Variants in WWOX observed in about 807,000 individuals in gnomAD.
WWOX encodes the protein WW domain-containing oxidoreductase.
A neutral mutation model predicts 46.2 loss-of-function variants in WWOX; 69 were observed. That is an observed-to-expected ratio of 1.49 (90% CI 1.23 to 1.82). WWOX has a LOEUF of 1.82. Among genes scored for constraint, WWOX ranks in the 40% most tolerant of loss-of-function variants. The pLI, the probability that WWOX is intolerant of heterozygous loss-of-function variation, is 0.00. For synonymous variants in WWOX, 359 were observed against 202.6 expected, an observed-to-expected ratio of 1.77 and a Z score of -6.56; for missense variants, 919 against 542.6, an observed-to-expected ratio of 1.69 and a Z score of -6.89.
intron 4 of WWOX, among the ~76,000 whole-genome samples, chr16:78,132,877 CA>C (rs2033652123): frequency 6.6e-6 from 1 of 152,152 alleles, no homozygotes; most frequent in Non-Finnish European, 1.5e-5. Flanking sequence ...TGCTCCATTC[CA>C]TTTCCCAGCT....
At position 78,746,331 on chromosome 16, in the gene WWOX, G is replaced by A. The variant is rs114521251; in HGVS notation, c.1056+313579G>A. On this transcript the variant is annotated intron_variant, in intron 8 of 8. Transcript: ENST00000566780. ...TTGGCAATATAGCAAGACATTGCCT[G>A]TACAAAAAATTTAAAAATTAGCTGG... Among the ~76,000 whole-genome samples the A allele has an allele frequency of 7.7e-3, 1,168 of 152,190 alleles. 20 individuals carry two copies. The highest frequency in any genetic ancestry group is 0.027 in the African/African-American group (1,134 of 41,534).
At chr16:78,562,425 A>C (rs1353650368) in intron 8 of WWOX, among the ~76,000 whole-genome samples, 1 of 152,168 alleles carries the variant, frequency 6.6e-6, no homozygotes, top group Non-Finnish European at 1.5e-5. Context: ...ATCTGTTCCC[A>C]CATCCCCTGA....
chr16:78,359,376 G>GT (rs1030470349), intron 5 of WWOX, among the ~76,000 whole-genome samples: 5 of 152,136 alleles, frequency 3.3e-5, no homozygotes, highest in South Asian at 4.1e-4. Context: ...TACAAATTAA[G>GT]TTTTTTTCTG....
At chr16:78,871,246 GA>G (rs1567616515) in intron 8 of WWOX, among the ~76,000 whole-genome samples, 4 of 151,890 alleles carry the variant, frequency 2.6e-5, no homozygotes, top group African/African-American at 9.7e-5. Context: ...AAAGAGGGGG[GA>G]TTTTTCCCCC....
intron 5 of WWOX, among the ~76,000 whole-genome samples, chr16:78,217,068 C>G (rs145193018): frequency 9.7e-4 from 147 of 152,262 alleles, no homozygotes; most frequent in African/African-American, 3.4e-3. Flanking sequence ...TTAATTTCAC[C>G]GGTAACCTGA....
chr16:78,321,349 C>T (rs11150056), intron 5 of WWOX, among the ~76,000 whole-genome samples: 23 of 39,782 alleles, frequency 5.8e-4, no homozygotes, highest in Admixed American at 8.6e-4. Flanking sequence ...TATATATATA[C>T]GTATATATGC....
chr16:79,085,275 T>A (rs2048833848), intron 8 of WWOX, among the ~76,000 whole-genome samples: 1 of 152,182 alleles, frequency 6.6e-6, no homozygotes, highest in Non-Finnish European at 1.5e-5. Flanking sequence ...TGGAGGTCTC[T>A]TAGATTTTCC....
intron 8 of WWOX, among the ~76,000 whole-genome samples, chr16:78,943,801 C>G (rs560854908): frequency 2.0e-5 from 3 of 152,102 alleles, no homozygotes; most frequent in African/African-American, 7.2e-5. Context: ...TCTTTCCCAC[C>G]GCACATCACT....
intron 5 of WWOX, among the ~76,000 whole-genome samples, chr16:78,235,335 C>G (rs1240421394): frequency 2.0e-5 from 3 of 152,110 alleles, no homozygotes; most frequent in Admixed American, 2.0e-4. Flanking sequence ...TTGGTCCTTG[C>G]TGTTGTCTGG....
chr16:78,909,723 A>T (rs764089969), intron 8 of WWOX, among the ~76,000 whole-genome samples: 8 of 152,214 alleles, frequency 5.3e-5, no homozygotes, highest in African/African-American at 1.9e-4. Context: ...AAGCAAAACC[A>T]TATGCATCGT....
chr16:79,119,615 A>C (rs918885413), intron 8 of WWOX, among the ~76,000 whole-genome samples: 1 of 152,348 alleles, frequency 6.6e-6, no homozygotes, highest in South Asian at 2.1e-4. Context: ...GGATTCAATA[A>C]TGTGCCAGCG....
intron 8 of WWOX, among the ~76,000 whole-genome samples, chr16:79,124,798 A>C (rs956728880): frequency 2.0e-5 from 3 of 152,236 alleles, no homozygotes; most frequent in Non-Finnish European, 4.4e-5. Flanking sequence ...AAGCTTTATA[A>C]AAGTATAAAC....
chr16:79,060,147 G>T (rs967870947), intron 8 of WWOX, among the ~76,000 whole-genome samples: 1 of 152,116 alleles, frequency 6.6e-6, no homozygotes, highest in Admixed American at 6.6e-5. Flanking sequence ...CCTATACTTG[G>T]GCAGTGGGGG....
intron 8 of WWOX, among the ~76,000 whole-genome samples, chr16:78,596,964 C>G (rs550738040): frequency 1.3e-5 from 2 of 152,162 alleles, no homozygotes; most frequent in Non-Finnish European, 2.9e-5. Flanking sequence ...TAACCATGTT[C>G]TAGCTATGCA....
intron 5 of WWOX, among the ~76,000 whole-genome samples, chr16:78,348,439 A>G (rs2151904525): frequency 8.2e-6 from 1 of 121,388 alleles, no homozygotes; most frequent in East Asian, 1.9e-4. Context: ...AAAGAGCTCG[A>G]TACATATACT....
At chr16:78,370,996 T>TTTTA (rs1555528013) in intron 5 of WWOX, among the ~76,000 whole-genome samples, 6 of 149,550 alleles carry the variant, frequency 4.0e-5, no homozygotes, top group East Asian at 1.9e-4. Flanking sequence ...TTTTTTTTTT[T>TTTTA]ACTTGTTTGT....
chr16:78,726,632 T>C (rs1224470994), intron 8 of WWOX, among the ~76,000 whole-genome samples: 1 of 152,088 alleles, frequency 6.6e-6, no homozygotes, highest in Non-Finnish European at 1.5e-5. Context: ...ATTTGAGCAA[T>C]TAATGGAGGA....
chr16:78,316,808 G>C (rs1031961163), intron 5 of WWOX, among the ~76,000 whole-genome samples: 1 of 152,208 alleles, frequency 6.6e-6, no homozygotes, highest in Non-Finnish European at 1.5e-5. Flanking sequence ...GCTAGCTCTA[G>C]TATTTTTCAA....
intron 8 of WWOX, among the ~76,000 whole-genome samples, chr16:78,465,051 T>C (rs1335229093): frequency 6.6e-6 from 1 of 152,084 alleles, no homozygotes; most frequent in Non-Finnish European, 1.5e-5. Flanking sequence ...CTTTATAAAA[T>C]CACCAGATCT....
Sources: gnomAD v4.1 joint callset for allele counts (sites outside exome capture counted in the v4.1 genomes callset) on GRCh38, gnomAD v4.1.1 for gene constraint, MANE v1.5 for transcripts, NCBI Gene and HGNC (gene_info 2026-07-23, HGNC 2026-07-21) for gene names.